LAMB1: variants seen among roughly 807,000 people sequenced by gnomAD.
LAMB1 encodes the protein laminin subunit beta 1.
LAMB1 carries 121 observed loss-of-function variants against 222.3 expected under a neutral mutation model. That is an observed-to-expected ratio of 0.54 (90% CI 0.47 to 0.63). LAMB1 has a LOEUF of 0.63. Ranked by LOEUF, LAMB1 falls within the 30% of genes least tolerant of loss-of-function variation. LAMB1 has a pLI of 0.00. For synonymous variants in LAMB1, 794 were observed against 807.2 expected (o/e 0.98, Z 0.28); for missense variants, 2,172 against 2,240.8 (o/e 0.97, Z 0.62).
chr7:107,950,991 G>C, intron 24 of LAMB1: 1 of 425,116 alleles, frequency 2.4e-6, no homozygotes, highest in Non-Finnish European at 4.3e-6. Flanking sequence ...CTTTACCCCA[G>C]GGTGTGAGGC....
chr7:107,980,894 G>A, intron 7 of LAMB1, 83 bp from the exon 8 acceptor site: 1 of 784,688 alleles, frequency 1.3e-6, no homozygotes, highest in Non-Finnish European at 2.1e-6. Context: ...TTTCTTTTTA[G>A]AGAAAGGCAT....
At chr7:108,002,811 A>G (rs2034416400) in intron 2 of LAMB1, 38 bp downstream of exon 2, 4 of 1,613,712 alleles carry the variant, frequency 2.5e-6, no homozygotes, top group Middle Eastern at 1.6e-4. Context: ...CCCATGCCCA[A>G]GTCCGTCCGC....
Position 107,959,747 on chromosome 7 carries a change from C to T in LAMB1, c.2402G>A (p.Arg801Lys), listed in dbSNP as rs755654690. ...QCQCRPNVVGRTCNRCAPGTF... is the reference protein window; with the variant it reads ...QCQCRPNVVGKTCNRCAPGTF... ...TCCAGGTGCACATCTGTTGCAGGTT[C>T]TTCCAACCACGTTGGGCCGGCACTG... The change falls in exon 19 of 34, where the codon AGA (arginine) becomes AAA (lysine). Residue 801 changes from arginine to lysine, a missense_variant. Coordinates refer to ENST00000222399, the MANE Select transcript of LAMB1 (RefSeq NM_002291.3). 1.6e-5 allele frequency: 26 copies of T among 1,614,114 alleles called. No homozygotes were observed. In the Middle Eastern group the frequency reaches 4.9e-4, roughly 31 times the overall value.
At chr7:107,993,801 G>C (rs192963916) in intron 5 of LAMB1, among the ~76,000 whole-genome samples, 2 of 152,320 alleles carry the variant, frequency 1.3e-5, no homozygotes, top group African/African-American at 4.8e-5. Flanking sequence ...AATTTATTTA[G>C]TGAAACCTTC....
In LAMB1 at chr7:107,940,154, C is replaced by G. The variant is rs138721528; in HGVS notation, c.3596G>C (p.Arg1199Thr). Residue 1199 changes from arginine (R) to threonine (T), a missense_variant, in exon 25 of 34, where the codon AGA (arginine) becomes ACA (threonine). Coordinates refer to ENST00000222399, the MANE Select transcript of LAMB1 (RefSeq NM_002291.3). ...IIAELTNRTHRFLEKAKALKI... is the reference protein window; with the variant it reads ...IIAELTNRTHTFLEKAKALKI... ...CAAGGCCTTGGCTTTCTCCAGGAAT[C>G]TGTGTGTCCTGTTGGTCAGCTCGGC... is the stretch of plus-strand genomic sequence containing the variant. The G allele has an allele frequency of 1.9e-6, 3 of 1,614,040 alleles. No homozygotes were observed. Among genetic ancestry groups the G allele is most frequent in the Admixed American group, 1.7e-5 (1 of 60,002 alleles).
At chr7:107,926,069 AT>A in intron 32 of LAMB1, 113 bp downstream of exon 32, 1 of 756,404 alleles carries the variant, frequency 1.3e-6, no homozygotes, top group Non-Finnish European at 2.2e-6. Flanking sequence ...GTCATTTGAT[AT>A]TTCTGATGAA....
intron 17 of LAMB1, 105 bp from the exon 18 acceptor site, chr7:107,960,754 A>C: frequency 1.1e-6 from 1 of 877,080 alleles, no homozygotes; most frequent in East Asian, 2.5e-5. Context: ...TGACCCTTGA[A>C]CAGAAATCAT....
rs2034324819 is a variant in LAMB1, at chr7:107,998,624, T to C, written c.214-132A>G. 10 of 700,174 alleles carry C rather than the reference T, an allele frequency of 1.4e-5. No homozygotes were observed. The East Asian group carries it at 2.8e-4, about 19-fold the overall frequency. The allele number at this position is 700,174 out of a possible 1,614,324, so 43.4% of individuals were successfully genotyped here. ...TCAAGAAAAATAATTGTGTGAAAAT[T>C]GCTTAGGAGATTTGTATCACATCTT... is the stretch of plus-strand genomic sequence containing the variant. On this transcript the variant is annotated intron_variant, in intron 3 of 33. Coordinates refer to ENST00000222399, the MANE Select transcript of LAMB1 (RefSeq NM_002291.3).
intron 29 of LAMB1, among the ~76,000 whole-genome samples, chr7:107,930,411 T>TAGCA (rs1346392442): frequency 1.3e-5 from 2 of 152,232 alleles, no homozygotes; most frequent in African/African-American, 4.8e-5. Flanking sequence ...AAGATATCCT[T>TAGCA]AGCAAATACT....
intron 14 of LAMB1, 44 bp from the exon 15 acceptor site, chr7:107,963,107 A>G: frequency 6.7e-7 from 1 of 1,498,634 alleles, no homozygotes; most frequent in Non-Finnish European, 9.0e-7. Flanking sequence ...TTGAAATGGA[A>G]TTCAATAATT....
chr7:107,990,302 A>G (rs2034158501), intron 5 of LAMB1, among the ~76,000 whole-genome samples: 1 of 151,924 alleles, frequency 6.6e-6, no homozygotes, highest in Non-Finnish European at 1.5e-5. Flanking sequence ...AGCACCCCCA[A>G]GTGTTGGGAT....
Position 107,953,636 on chromosome 7 carries a change from G to A in LAMB1, c.2973C>T (p.Asp991=). 6 of 1,614,128 alleles carry A rather than the reference G, an allele frequency of 3.7e-6. No individual in the cohort carries two copies. The South Asian group carries it at 4.4e-5, about 12-fold the overall frequency. The change falls in exon 22 of 34, where the codon GAC becomes GAT. Residue 991 remains aspartate (D), a synonymous_variant. Coordinates refer to ENST00000222399, the MANE Select transcript of LAMB1 (RefSeq NM_002291.3). ...NIDTTDPEAC[D]KETGRCLKCL... The stretch of plus-strand genomic sequence containing the variant: ...ACTTGAGACACCTCCCAGTCTCCTT[G>A]TCACAGGCTTCTGGGTCTGTCGTGT...
In LAMB1 at chr7:107,951,326, C is replaced by G. The variant is rs781292114; in HGVS notation, c.3295-4G>C. The G allele has an allele frequency of 6.2e-7, 1 of 1,613,668 alleles. No homozygotes were observed. The highest frequency in any genetic ancestry group is 1.1e-5 in the South Asian group (1 of 91,046). On this transcript the variant is annotated splice_polypyrimidine_tract_variant and splice_region_variant and intron_variant, in intron 23 of 33. Coordinates refer to ENST00000222399, the MANE Select transcript of LAMB1 (RefSeq NM_002291.3). ...TGCACTGGCACTGCCCCGTGAACTG[C>G]GGCCAGAACACAGACCTTGGTCAAG... is the stretch of plus-strand genomic sequence containing the variant.
chr7:107,926,300 G>C lies in LAMB1; in HGVS notation c.4947C>G (p.Ser1649Arg), dbSNP rs190017087. ...ETLFNASQRI[S>R]ELERNVEELK... is the part of the protein sequence containing the mutation. ...GTTCTTCCACATTCCTCTCTAACTC[G>C]CTGATGCGCTGGGACGCGTTGAACA... The change falls in exon 32 of 34, where the codon AGC (serine) becomes AGG (arginine). Residue 1649 changes from serine (S) to arginine (R), a missense_variant. By Grantham distance (110) the Ser-to-Arg change is moderately radical. Coordinates refer to ENST00000222399, the MANE Select transcript of LAMB1 (RefSeq NM_002291.3). 6.2e-7 allele frequency: 1 copy of C among 1,613,686 alleles called. No individual in the cohort carries two copies. The highest frequency in any genetic ancestry group is 1.3e-5 in the African/African-American group (1 of 74,908).
In LAMB1 at chr7:107,932,191, C is replaced by A; in HGVS notation, c.4375G>T (p.Glu1459Ter). The A allele has an allele frequency of 3.7e-6, 6 of 1,614,204 alleles. No homozygotes were observed. The highest frequency in any genetic ancestry group is 5.1e-6 in the Non-Finnish European group (6 of 1,180,038). The change falls in exon 28 of 34, where the codon GAA becomes TAA. Residue 1459 changes from glutamate (E) to a stop codon, truncating the protein, a stop_gained. Coordinates refer to ENST00000222399, the MANE Select transcript of LAMB1 (RefSeq NM_002291.3). LOFTEE classifies it high-confidence loss of function. ...QDVLSALAEV[E>*]QLSKMVSEAK... ...TGAGTTACCATCTTGGAGAGCTGTT[C>A]CACTTCAGCCAGGGCACTCAGGACA...
In LAMB1 at chr7:107,961,308, C is replaced by T. The variant is rs537148295; in HGVS notation, c.2007G>A (p.Pro669=). The T allele has an allele frequency of 1.4e-5, 22 of 1,613,952 alleles. No homozygotes were observed. Among genetic ancestry groups the T allele is most frequent in the East Asian group, 2.2e-5 (1 of 44,868 alleles). The change falls in exon 17 of 34, where the codon CCG becomes CCA. Residue 669 remains proline, a synonymous_variant. Transcript: ENST00000222399. ...AGTTTGTTCCCTTCTCAAAGCACAC[C>T]GGCCGAGGAAGGACGACATATCTGC... ...PGSRYVVLPR[P]VCFEKGTNYT...
At chr7:107,937,385 C>A (rs1234241629) in intron 25 of LAMB1, 108 bp from the exon 26 acceptor site, 23 of 813,676 alleles carry the variant, frequency 2.8e-5, no homozygotes, top group Non-Finnish European at 3.7e-5. Context: ...CAAACCAATT[C>A]AGTAATTTGT....
intron 13 of LAMB1, among the ~76,000 whole-genome samples, chr7:107,967,112 A>G (rs2033652230): frequency 6.6e-6 from 1 of 152,122 alleles, no homozygotes; most frequent in South Asian, 2.1e-4. Flanking sequence ...TCTCTAATTC[A>G]TCTTGTCCCA....
intron 9 of LAMB1, among the ~76,000 whole-genome samples, chr7:107,976,545 T>C (rs1445541095): frequency 6.6e-6 from 1 of 152,148 alleles, no homozygotes; most frequent in Non-Finnish European, 1.5e-5. Context: ...ACAGGGAAGC[T>C]TGACTCAGCC....
Sources: gnomAD v4.1 joint callset for allele counts (sites outside exome capture counted in the v4.1 genomes callset) on GRCh38, gnomAD v4.1.1 for gene constraint, MANE v1.5 for transcripts, NCBI Gene and HGNC (gene_info 2026-07-23, HGNC 2026-07-21) for gene names.